PRKG1: variants seen among roughly 807,000 people sequenced by gnomAD.
The protein encoded by PRKG1 is protein kinase cGMP-dependent 1, also known as cGMP-dependent protein kinase 1.
PRKG1 carries 35 observed loss-of-function variants against 88.1 expected under a neutral mutation model. The observed-to-expected ratio is 0.40, with a 90% CI of 0.30 to 0.53. The LOEUF (loss-of-function observed/expected upper bound fraction) is 0.53. PRKG1 is among the 20% of genes least tolerant of loss of function. The pLI is 0.59. For missense variants in PRKG1, 540 were observed against 839.8 expected (o/e 0.64, Z 4.41); for synonymous variants, 303 against 292.5 (o/e 1.04, Z -0.37).
chr10:51,928,812 TA>T (rs1156539969), intron 5 of PRKG1, among the ~76,000 whole-genome samples: 5 of 152,216 alleles, frequency 3.3e-5, no homozygotes, highest in Non-Finnish European at 7.4e-5. Context: ...CTCTAATATA[TA>T]AAAAATAGTA....
At chr10:51,150,620 A>T (rs1404082499) in intron 1 of PRKG1, among the ~76,000 whole-genome samples, 1 of 152,102 alleles carries the variant, frequency 6.6e-6, no homozygotes, top group Non-Finnish European at 1.5e-5. Flanking sequence ...AAATAGTAAG[A>T]TGTGGTCCTA....
At chr10:51,952,389 G>A (rs1354694246) in intron 5 of PRKG1, among the ~76,000 whole-genome samples, 1 of 152,144 alleles carries the variant, frequency 6.6e-6, no homozygotes, top group Non-Finnish European at 1.5e-5. Context: ...CAGACATTTA[G>A]GGTTGGAGTC....
chr10:51,526,550 C>G (rs1841888814), intron 3 of PRKG1, among the ~76,000 whole-genome samples: 1 of 152,184 alleles, frequency 6.6e-6, no homozygotes. Context: ...ATCTCCTACT[C>G]TGAGGTAATC....
In PRKG1 at chr10:51,093,801, TACACAC is replaced by T. The variant is rs57772981; in HGVS notation, c.311+18929_311+18934del. ...TATATATGTATTTTATATATATATATACACACACACACACACACACACACACACACA... is the reference window on the plus strand; with the variant it reads ...TATATATGTATTTTATATATATATATACACACACACACACACACACACACA... On this transcript the variant is annotated intron_variant, in intron 1 of 17. Coordinates refer to ENST00000373980, the MANE Select transcript of PRKG1 (RefSeq NM_006258.4). Among the ~76,000 whole-genome samples, 340 of 127,654 alleles carry T rather than the reference TACACAC, an allele frequency of 2.7e-3. 2 individuals carry two copies. Among genetic ancestry groups the T allele is most frequent in the African/African-American group, 8.0e-3 (277 of 34,696 alleles). The allele number at this position is 127,654 out of a possible 152,430, so 83.7% of individuals were successfully genotyped here.
chr10:51,359,699 T>C (rs1461229011), intron 2 of PRKG1, among the ~76,000 whole-genome samples: 2 of 151,862 alleles, frequency 1.3e-5, no homozygotes, highest in East Asian at 3.9e-4. Flanking sequence ...TAAATAATCA[T>C]ATGGCTCAAT....
intron 2 of PRKG1, among the ~76,000 whole-genome samples, chr10:51,234,808 T>C (rs78753717): frequency 0.021 from 3,140 of 151,856 alleles, 45 homozygotes; most frequent in Middle Eastern, 0.044. Flanking sequence ...AGAAAAAAAA[T>C]AAAAATATTT....
chr10:51,186,957 TATATATATA>T (rs1837505496), intron 2 of PRKG1, among the ~76,000 whole-genome samples: 1 of 44,974 alleles, frequency 2.2e-5, no homozygotes, highest in Non-Finnish European at 6.0e-5. Context: ...CCCTGTGTTA[TATATATATA>T]TATATATATA....
intron 5 of PRKG1, among the ~76,000 whole-genome samples, chr10:52,011,405 A>T (rs1294477093): frequency 6.6e-6 from 1 of 152,200 alleles, no homozygotes; most frequent in Non-Finnish European, 1.5e-5. Flanking sequence ...GAAAAAGCAG[A>T]CATGCATAAT....
intron 7 of PRKG1, among the ~76,000 whole-genome samples, chr10:52,085,547 C>T (rs1846890496): frequency 6.6e-6 from 1 of 151,722 alleles, no homozygotes; most frequent in Admixed American, 6.6e-5. Context: ...CATTTTTTTT[C>T]CTCATGAGCA....
intron 2 of PRKG1, among the ~76,000 whole-genome samples, chr10:51,418,031 C>T (rs190418465): frequency 4.6e-5 from 7 of 152,276 alleles, no homozygotes; most frequent in South Asian, 2.1e-4. Context: ...CCTTACCCTT[C>T]GCAGTTTCTA....
chr10:52,124,914 C>A (rs1470119396), intron 7 of PRKG1, among the ~76,000 whole-genome samples: 1 of 152,012 alleles, frequency 6.6e-6, no homozygotes, highest in African/African-American at 2.4e-5. Flanking sequence ...ACGTCTTGTC[C>A]CCTTGGAAGG....
At chr10:51,257,238 T>C (rs776579722) in intron 2 of PRKG1, among the ~76,000 whole-genome samples, 1 of 151,530 alleles carries the variant, frequency 6.6e-6, no homozygotes, top group Non-Finnish European at 1.5e-5. Flanking sequence ...ATCAGTGGGA[T>C]GCTTAGAGAT....
chr10:51,050,010 T>A (rs1389181389), intron 1 of PRKG1, among the ~76,000 whole-genome samples: 1 of 152,094 alleles, frequency 6.6e-6, no homozygotes, highest in African/African-American at 2.4e-5. Context: ...GTCATTAAAT[T>A]CAGGTCAATG....
At chr10:51,872,694 C>A (rs1841189815) in intron 4 of PRKG1, among the ~76,000 whole-genome samples, 1 of 152,030 alleles carries the variant, frequency 6.6e-6, no homozygotes, top group Non-Finnish European at 1.5e-5. Flanking sequence ...TATTTATAAG[C>A]AAGTAGCATT....
At chr10:52,213,023 T>C (rs1840020604) in intron 9 of PRKG1, among the ~76,000 whole-genome samples, 1 of 151,630 alleles carries the variant, frequency 6.6e-6, no homozygotes, top group African/African-American at 2.4e-5. Flanking sequence ...ACATGAATGT[T>C]TACACACTAA....
chr10:51,424,341 C>T (rs780916735), intron 2 of PRKG1, among the ~76,000 whole-genome samples: 21 of 151,894 alleles, frequency 1.4e-4, no homozygotes, highest in Admixed American at 9.2e-4. Flanking sequence ...TTATGAATTA[C>T]AGATCTTTCA....
intron 5 of PRKG1, among the ~76,000 whole-genome samples, chr10:52,043,106 A>G (rs914067600): frequency 4.6e-5 from 7 of 152,118 alleles, no homozygotes; most frequent in African/African-American, 1.4e-4. Context: ...ATAAAAAGGA[A>G]TCTTATTCTT....
intron 2 of PRKG1, among the ~76,000 whole-genome samples, chr10:51,287,091 G>T (rs1186168233): frequency 6.6e-6 from 1 of 152,118 alleles, no homozygotes; most frequent in Non-Finnish European, 1.5e-5. Context: ...TGCCCAGGCT[G>T]GTTTTGAACT....
chr10:51,285,503 C>A (rs905380783), intron 2 of PRKG1, among the ~76,000 whole-genome samples: 1 of 152,090 alleles, frequency 6.6e-6, no homozygotes, highest in Non-Finnish European at 1.5e-5. Context: ...AAGAAGATAT[C>A]GCCCACAGGC....
Sources: allele counts gnomAD v4.1 joint callset (sites outside exome capture counted in the v4.1 genomes callset), GRCh38; gene constraint gnomAD v4.1.1; transcripts MANE v1.5; gene names NCBI Gene and HGNC (gene_info 2026-07-23, HGNC 2026-07-21).